PRKCZ: variants seen among roughly 807,000 people sequenced by gnomAD.
The protein encoded by PRKCZ is protein kinase C zeta.
PRKCZ carries 33 observed loss-of-function variants against 79.5 expected under a neutral mutation model. The ratio of observed to expected loss-of-function variants is 0.41; its 90% CI spans 0.31 to 0.55. PRKCZ has a LOEUF of 0.55. Ranked by LOEUF, PRKCZ falls within the 20% of genes least tolerant of loss-of-function variation. The probability of loss-of-function intolerance (pLI) is 0.19; values close to 1 mark genes in which losing one functional copy is unlikely to be tolerated. For synonymous variants in PRKCZ, 342 were observed against 320.9 expected (o/e 1.07, Z -0.70); for missense variants, 578 against 813.5 (o/e 0.71, Z 3.52).
intron 4 of PRKCZ, among the ~76,000 whole-genome samples, chr1:2,116,963 C>T (rs558334139): frequency 1.4e-4 from 21 of 151,974 alleles, no homozygotes; most frequent in Admixed American, 1.0e-3. Context: ...AGGGGAGTTG[C>T]GGGGGGCAGA....
chr1:2,179,946 C>G (rs1460327409), intron 16 of PRKCZ, among the ~76,000 whole-genome samples: 2 of 152,124 alleles, frequency 1.3e-5, no homozygotes, highest in African/African-American at 2.4e-5. Flanking sequence ...AAGAGGCCCA[C>G]AGAGAGATGG....
intron 4 of PRKCZ, among the ~76,000 whole-genome samples, chr1:2,086,720 G>A (rs1319687099): frequency 6.6e-6 from 1 of 152,228 alleles, no homozygotes; most frequent in East Asian, 1.9e-4. Flanking sequence ...GGGATTCGAT[G>A]TGCAGTTCCC....
rs1557611093 is a variant in PRKCZ at position 2,121,461 on chromosome 1, G to GGGTC, written c.335-13801_335-13800insGGTC. The stretch of plus-strand genomic sequence containing the variant: ...TTAGAGTCATGGCGGTAGTTAGTTA[G>GGGTC]AGTCATGGCGGTAGTTAGTTAGGGT... On this transcript the variant is annotated intron_variant, in intron 4 of 17. Transcript: ENST00000378567. Among the ~76,000 whole-genome samples, 480 of 151,234 alleles carry GGGTC rather than the reference G, an allele frequency of 3.2e-3. 10 individuals carry two copies. Among genetic ancestry groups the GGGTC allele is most frequent in the African/African-American group, 0.011 (438 of 40,722 alleles).
intron 4 of PRKCZ, among the ~76,000 whole-genome samples, chr1:2,119,698 A>G (rs950267850): frequency 6.6e-5 from 10 of 152,034 alleles, no homozygotes; most frequent in Admixed American, 6.5e-4. Flanking sequence ...CGGCGCTTAC[A>G]TGGAGACCAG....
At chr1:2,064,095 C>T (rs944195413) in intron 4 of PRKCZ, among the ~76,000 whole-genome samples, 2 of 152,226 alleles carry the variant, frequency 1.3e-5, no homozygotes, top group Non-Finnish European at 2.9e-5. Context: ...GATCCACCCA[C>T]CTCGGCCTCC....
At chr1:2,129,169 G>T (rs1674496813) in intron 4 of PRKCZ, among the ~76,000 whole-genome samples, 1 of 152,184 alleles carries the variant, frequency 6.6e-6, no homozygotes, top group African/African-American at 2.4e-5. Flanking sequence ...ATTGCCTGAA[G>T]TTCGAAGGTT....
intron 4 of PRKCZ, among the ~76,000 whole-genome samples, chr1:2,086,315 C>A (rs538571372): frequency 6.6e-6 from 1 of 152,088 alleles, no homozygotes; most frequent in African/African-American, 2.4e-5. Context: ...CTTGCCTCAG[C>A]CTCCCTAAGT....
chr1:2,176,921 G>A (rs977515268), intron 16 of PRKCZ, among the ~76,000 whole-genome samples: 25 of 152,336 alleles, frequency 1.6e-4, no homozygotes, highest in African/African-American at 5.8e-4. Context: ...TCTGTCGTGC[G>A]GTTGTCAGAT....
intron 4 of PRKCZ, among the ~76,000 whole-genome samples, chr1:2,121,883 G>T (rs796645162): frequency 2.7e-4 from 4 of 14,764 alleles, no homozygotes; most frequent in Admixed American, 4.9e-4. Context: ...GGGTCACGGT[G>T]GTGGTTAGGG....
At chr1:2,148,682 G>A (rs777412659) in intron 7 of PRKCZ, among the ~76,000 whole-genome samples, 190 bp from the exon 8 acceptor site, 1 of 152,374 alleles carries the variant, frequency 6.6e-6, no homozygotes, top group Non-Finnish European at 1.5e-5. Context: ...CATGGTCAGA[G>A]TCGGCAGGTG....
chr1:2,181,265 G>C (rs1443946770), intron 16 of PRKCZ, among the ~76,000 whole-genome samples: 1 of 152,138 alleles, frequency 6.6e-6, no homozygotes, highest in Non-Finnish European at 1.5e-5. Context: ...TTGCACAGCT[G>C]TGCCCTCCCC....
intron 4 of PRKCZ, among the ~76,000 whole-genome samples, chr1:2,133,350 G>T (rs563866038): frequency 6.8e-6 from 1 of 146,510 alleles, no homozygotes; most frequent in African/African-American, 2.5e-5. Flanking sequence ...GTTGCTCGTC[G>T]GTTCCCTCGG....
intron 4 of PRKCZ, among the ~76,000 whole-genome samples, chr1:2,102,625 C>T (rs1004621006): frequency 6.6e-6 from 1 of 152,186 alleles, no homozygotes; most frequent in Non-Finnish European, 1.5e-5. Context: ...AGCCACCGTG[C>T]CCGGCCCTCG....
intron 4 of PRKCZ, among the ~76,000 whole-genome samples, chr1:2,105,212 A>G (rs1253000829): frequency 1.3e-5 from 2 of 152,092 alleles, no homozygotes; most frequent in Non-Finnish European, 2.9e-5. Flanking sequence ...TGCGCTGTGT[A>G]CCGGCACTGC....
chr1:2,081,035 G>A (rs1435922026), intron 4 of PRKCZ, among the ~76,000 whole-genome samples: 7 of 152,148 alleles, frequency 4.6e-5, no homozygotes, highest in African/African-American at 1.2e-4. Flanking sequence ...ACCTGGCCGC[G>A]GTGTGTTTGT....
chr1:2,079,658 T>G (rs1469259813), intron 4 of PRKCZ, among the ~76,000 whole-genome samples: 1 of 152,232 alleles, frequency 6.6e-6, no homozygotes, highest in Non-Finnish European at 1.5e-5. Flanking sequence ...CTGCTGCTGA[T>G]GGCGGCACAT....
At chr1:2,179,855 G>A (rs11589994) in intron 16 of PRKCZ, among the ~76,000 whole-genome samples, 1,721 of 152,218 alleles carry the variant, frequency 0.011, 20 homozygotes, top group Middle Eastern at 0.031. Flanking sequence ...TCGGTGGGAG[G>A]AACCCAGCCA....
intron 4 of PRKCZ, among the ~76,000 whole-genome samples, chr1:2,081,555 C>G (rs982615974): frequency 6.6e-6 from 1 of 152,202 alleles, no homozygotes; most frequent in Non-Finnish European, 1.5e-5. Flanking sequence ...GTGATTGGTA[C>G]TGCAGCCGGA....
Position 2,185,256 on chromosome 1 carries a change from G to A in PRKCZ, c.*247G>A, listed in dbSNP as rs915975725. 10 of 714,488 alleles carry A rather than the reference G, an allele frequency of 1.4e-5. 1 individual carries two copies. The highest frequency in any genetic ancestry group is 4.4e-5 in the South Asian group (3 of 67,600). The allele number at this position is 714,488 out of a possible 1,614,324, so 44.3% of individuals were successfully genotyped here. A position where few individuals can be genotyped will look rare whatever the true frequency, so the allele number is the denominator to read the frequency against. ...TGTGCCTGCGTCGCGGCGGATCCGC[G>A]GGGACCCTGCCGAGGGGGCTGTCAT... On this transcript the variant is annotated 3_prime_UTR_variant, in exon 18 of 18. Coordinates refer to ENST00000378567, the MANE Select transcript of PRKCZ (RefSeq NM_002744.6).
Sources: gnomAD v4.1 joint callset for allele counts (sites outside exome capture counted in the v4.1 genomes callset) on GRCh38, gnomAD v4.1.1 for gene constraint, MANE v1.5 for transcripts, NCBI Gene and HGNC (gene_info 2026-07-23, HGNC 2026-07-21) for gene names.